The following MCC variants were observed in gnomAD, a reference collection of about 807,000 sequenced individuals.
MCC encodes MCC regulator of Wnt signaling pathway.
A neutral mutation model predicts 116.2 loss-of-function variants in MCC; 90 were observed. The ratio of observed to expected loss-of-function variants is 0.77; its 90% CI spans 0.65 to 0.92. The LOEUF (loss-of-function observed/expected upper bound fraction) is 0.92. Among genes scored for constraint, MCC ranks in the 40% least tolerant of loss-of-function variants. The probability of loss-of-function intolerance (pLI) is 0.00; values close to 1 mark genes in which losing one functional copy is unlikely to be tolerated. For missense variants in MCC, 1,516 were observed against 1,312.2 expected, an observed-to-expected ratio of 1.16 and a Z score of -2.40; for synonymous variants, 578 against 510.5, an observed-to-expected ratio of 1.13 and a Z score of -1.78.
At chr5:113,161,823 T>TA (rs1315553757) in intron 3 of MCC, among the ~76,000 whole-genome samples, 6 of 152,262 alleles carry the variant, frequency 3.9e-5, no homozygotes, top group Non-Finnish European at 8.8e-5. Context: ...CAATCATTTT[T>TA]AAATGCATTC....
At chr5:113,135,398 CAA>C (rs10715437) in intron 5 of MCC, among the ~76,000 whole-genome samples, 1,595 of 143,308 alleles carry the variant, frequency 0.011, 41 homozygotes, top group African/African-American at 0.038. Context: ...ACTAAAAATA[CAA>C]AAAAAAAAAT....
intron 12 of MCC, 97 bp from the exon 13 acceptor site, chr5:113,068,280 C>T (rs1173853639): frequency 7.3e-6 from 6 of 823,108 alleles, no homozygotes; most frequent in Non-Finnish European, 1.0e-5. Context: ...CAGGTGCTGT[C>T]TCGGCCTCAC....
intron 1 of MCC, among the ~76,000 whole-genome samples, chr5:113,469,608 T>C (rs10061795): frequency 0.72 from 109,417 of 151,846 alleles, 39,854 homozygotes; most frequent in East Asian, 0.86. Flanking sequence ...TCCAACTATG[T>C]GGTCAATTTT....
chr5:113,320,364 C>T (rs965493930), intron 3 of MCC, among the ~76,000 whole-genome samples: 1 of 146,522 alleles, frequency 6.8e-6, no homozygotes, highest in Non-Finnish European at 1.5e-5. Context: ...GAAAGAAATG[C>T]AAATTCAGAT....
At chr5:113,485,142 G>C (rs10074801) in intron 1 of MCC, among the ~76,000 whole-genome samples, 5,177 of 152,172 alleles carry the variant, frequency 0.034, 316 homozygotes, top group African/African-American at 0.12. Context: ...ACTGGGCCAA[G>C]AGAATATTGA....
chr5:113,465,711 T>C (rs940243192), intron 1 of MCC, among the ~76,000 whole-genome samples: 7 of 151,534 alleles, frequency 4.6e-5, no homozygotes, highest in Non-Finnish European at 1.0e-4. Context: ...AAAAAGAAAA[T>C]TCACAAATTA....
chr5:113,385,866 T>C (rs967237416), intron 1 of MCC, among the ~76,000 whole-genome samples: 2 of 152,126 alleles, frequency 1.3e-5, no homozygotes, highest in Admixed American at 1.3e-4. Flanking sequence ...TTAATGTAAA[T>C]GTGTGCAGTG....
At chr5:113,152,914 G>C (rs1759965044) in intron 3 of MCC, among the ~76,000 whole-genome samples, 1 of 152,146 alleles carries the variant, frequency 6.6e-6, no homozygotes, top group African/African-American at 2.4e-5. Context: ...GCTTGGAAAA[G>C]GTCACTGTGG....
In MCC at chr5:113,126,843, G is replaced by A. The variant is rs965738525; in HGVS notation, c.885-4017C>T. Reference sequence around the variant, plus strand: ...GGATTTTTAACTGCACAGTGTAGGGGTTGGTGCCACTATCCCTCATATTGT... The same window carrying A: ...GGATTTTTAACTGCACAGTGTAGGGATTGGTGCCACTATCCCTCATATTGT... On this transcript the variant is annotated intron_variant, in intron 5 of 18. Coordinates refer to ENST00000408903, the MANE Select transcript of MCC (RefSeq NM_001085377.2). 3.3e-5 allele frequency among the ~76,000 whole-genome samples: 5 copies of A among 152,104 alleles called. No homozygotes were observed. In the East Asian group the frequency reaches 9.6e-4, roughly 29 times the overall value.
intron 5 of MCC, among the ~76,000 whole-genome samples, chr5:113,129,188 TGAGA>T (rs941079927): frequency 3.9e-5 from 6 of 151,900 alleles, no homozygotes; most frequent in African/African-American, 1.5e-4. Flanking sequence ...GTTAAAGGTG[TGAGA>T]GAGAGAGTTT....
Position 113,434,960 on chromosome 5 carries a change from C to T in MCC, c.171-49748G>A, listed in dbSNP as rs1580372105. ...CTTTGGGCTGGCCAGGCCTGCTGTTCCTGCCTCCTAGAGGCCAAGACTCTG... is the reference window on the plus strand; with the variant it reads ...CTTTGGGCTGGCCAGGCCTGCTGTTTCTGCCTCCTAGAGGCCAAGACTCTG... On this transcript the variant is annotated intron_variant, in intron 1 of 18. Coordinates refer to ENST00000408903, the MANE Select transcript of MCC (RefSeq NM_001085377.2). This position sits in a 1 kb window ranked among gnomAD's most constrained non-coding sequence, Gnocchi z 4.2. 4.7e-6 allele frequency: 6 copies of T among 1,276,128 alleles called. No homozygotes were observed. The highest frequency in any genetic ancestry group is 4.3e-6 in the Non-Finnish European group (4 of 932,174). 79.1% of individuals were successfully genotyped at this position (1,276,128 alleles called of 1,614,324 possible).
intron 11 of MCC, among the ~76,000 whole-genome samples, chr5:113,076,573 G>T (rs1354075068): frequency 1.3e-5 from 2 of 152,144 alleles, no homozygotes; most frequent in Non-Finnish European, 2.9e-5. Flanking sequence ...CTTCATAAGT[G>T]AAGAATAAAT....
chr5:113,132,419 CACACAT>C (rs1758497416), intron 5 of MCC, among the ~76,000 whole-genome samples: 1 of 125,126 alleles, frequency 8.0e-6, no homozygotes, highest in African/African-American at 3.2e-5. Context: ...TATATATATA[CACACAT>C]ACATATATAT....
intron 1 of MCC, among the ~76,000 whole-genome samples, chr5:113,419,107 C>T (rs73236472): frequency 0.013 from 2,050 of 152,080 alleles, 52 homozygotes; most frequent in African/African-American, 0.047. Context: ...TCCAAGAACA[C>T]GTATCTGCTA....
At chr5:113,243,527 T>C (rs1197592678) in intron 3 of MCC, among the ~76,000 whole-genome samples, 1 of 152,176 alleles carries the variant, frequency 6.6e-6, no homozygotes, top group East Asian at 1.9e-4. Context: ...GAATAAAAGG[T>C]ATTAAATGAA....
intron 3 of MCC, among the ~76,000 whole-genome samples, chr5:113,331,471 C>G (rs1581404536): frequency 6.6e-6 from 1 of 151,836 alleles, no homozygotes; most frequent in African/African-American, 2.4e-5. Flanking sequence ...CTTGGTTCTA[C>G]TACTTTTGTG....
intron 2 of MCC, among the ~76,000 whole-genome samples, chr5:113,365,137 A>C (rs963351621): frequency 3.9e-5 from 6 of 152,208 alleles, no homozygotes; most frequent in Admixed American, 3.3e-4. Flanking sequence ...CAAATTTTCC[A>C]AACTTTTACA....
chr5:113,269,404 A>C (rs1161226354), intron 3 of MCC, among the ~76,000 whole-genome samples: 2 of 152,222 alleles, frequency 1.3e-5, no homozygotes, highest in African/African-American at 4.8e-5. Context: ...ACACATCAAA[A>C]AAACACTTCC....
chr5:113,293,715 C>A (rs1766598764), intron 3 of MCC, among the ~76,000 whole-genome samples: 1 of 152,150 alleles, frequency 6.6e-6, no homozygotes, highest in Non-Finnish European at 1.5e-5. Context: ...ATTGCAAATG[C>A]GCTTGCCTCA....
Sources: gnomAD v4.1 joint callset for allele counts (sites outside exome capture counted in the v4.1 genomes callset) on GRCh38, gnomAD v4.1.1 for gene constraint, Gnocchi (gnomAD v3.1) non-coding constraint, MANE v1.5 for transcripts, NCBI Gene and HGNC (gene_info 2026-07-23, HGNC 2026-07-21) for gene names.